The following MYB variants were observed in gnomAD, a reference collection of about 807,000 sequenced individuals.
MYB encodes MYB proto-oncogene, transcription factor.
Under a neutral mutation model 92.9 loss-of-function variants are expected in MYB, and 28 were observed. That is an observed-to-expected ratio of 0.30 (90% confidence interval 0.22 to 0.41). The LOEUF (loss-of-function observed/expected upper bound fraction) is 0.41. MYB is among the 10% of genes least tolerant of loss of function. MYB has a pLI of 1.00. For missense variants in MYB, 679 were observed against 929.3 expected (o/e 0.73, Z 3.50); for synonymous variants, 295 against 329.1 (o/e 0.90, Z 1.12).
Position 135,181,467 on chromosome 6 carries a change from C to A in MYB, c.-47C>A. The A allele has an allele frequency of 9.0e-7, 1 of 1,108,824 alleles. No homozygotes were observed. The highest frequency in any genetic ancestry group is 1.1e-6 in the Non-Finnish European group (1 of 908,778). 68.7% of individuals were successfully genotyped at this position (1,108,824 alleles called of 1,614,324 possible). On this transcript the variant is annotated 5_prime_UTR_variant, in exon 1 of 16. Coordinates refer to ENST00000341911, the MANE Select transcript of MYB (RefSeq NM_001130173.2). This position sits in a 1 kb window ranked among gnomAD's most constrained non-coding sequence, Gnocchi z 5.3. ...CGGCGGGCAGCGGGAGGCGGCAGCCCGGTGCGGTCCCCGCGGCTCTCGGCG... is the reference window on the plus strand; with the variant it reads ...CGGCGGGCAGCGGGAGGCGGCAGCCAGGTGCGGTCCCCGCGGCTCTCGGCG...
Position 135,181,417 on chromosome 6 carries a change from G to C in MYB, c.-97G>C. ...CCCCAGCGGTGCGGAGCGCCGCTGC[G>C]CAGCCGGGGAGGGACGCAGGCAGGC... On this transcript the variant is annotated 5_prime_UTR_variant, in exon 1 of 16. Transcript: ENST00000341911. This position sits in a 1 kb window ranked among gnomAD's most constrained non-coding sequence, Gnocchi z 5.3. 1.1e-6 allele frequency: 1 copy of C among 875,446 alleles called. No homozygotes were observed. Among genetic ancestry groups the C allele is most frequent in the Non-Finnish European group, 1.4e-6 (1 of 700,720 alleles). The allele number at this position is 875,446 out of a possible 1,614,324, so 54.2% of individuals were successfully genotyped here.
At chr6:135,205,980 C>T (rs1250814459) in intron 15 of MYB, among the ~76,000 whole-genome samples, 1 of 151,292 alleles carries the variant, frequency 6.6e-6, no homozygotes, top group Non-Finnish European at 1.5e-5. Flanking sequence ...CCGAGGTGGG[C>T]GGATCACGAG....
At chr6:135,212,908 A>T (rs576391481) in intron 15 of MYB, among the ~76,000 whole-genome samples, 42 of 152,320 alleles carry the variant, frequency 2.8e-4, no homozygotes, top group Non-Finnish European at 2.6e-4. Context: ...AAAAGTTGGC[A>T]TGGGGCTCCC....
At chr6:135,210,404 T>G (rs1023201410) in intron 15 of MYB, among the ~76,000 whole-genome samples, 1 of 152,196 alleles carries the variant, frequency 6.6e-6, no homozygotes, top group Non-Finnish European at 1.5e-5. Context: ...GGAGTTTAAG[T>G]TAAAGAAATT....
intron 1 of MYB, among the ~76,000 whole-genome samples, chr6:135,184,831 A>C (rs1430392617): frequency 1.3e-5 from 2 of 152,202 alleles, no homozygotes; most frequent in African/African-American, 4.8e-5. Context: ...AGTTTCTAAG[A>C]TAGTATTTTT....
intron 15 of MYB, among the ~76,000 whole-genome samples, chr6:135,206,220 A>T (rs1335369756): frequency 1.4e-5 from 2 of 141,860 alleles, no homozygotes; most frequent in African/African-American, 5.3e-5. Flanking sequence ...AAAAAAAAAA[A>T]AAAAAAATAA....
At chr6:135,192,632 A>T in intron 6 of MYB, 74 bp downstream of exon 6, 1 of 1,419,336 alleles carries the variant, frequency 7.0e-7, no homozygotes, top group Non-Finnish European at 9.9e-7. Flanking sequence ...CATACTTTGC[A>T]GTTGTATACT....
chr6:135,183,178 C>T (rs953334720), intron 1 of MYB, among the ~76,000 whole-genome samples: 2 of 151,624 alleles, frequency 1.3e-5, no homozygotes, highest in Non-Finnish European at 2.9e-5. Context: ...AGAGGGGAGG[C>T]GGCTGGGAGG....
intron 15 of MYB, among the ~76,000 whole-genome samples, chr6:135,216,877 T>C (rs1780520308): frequency 6.6e-6 from 1 of 152,328 alleles, no homozygotes; most frequent in South Asian, 2.1e-4. Flanking sequence ...AGTCCACCAC[T>C]TACCTACAGA....
chr6:135,208,774 C>G (rs1019172402), intron 15 of MYB, among the ~76,000 whole-genome samples: 11 of 152,172 alleles, frequency 7.2e-5, no homozygotes, highest in Non-Finnish European at 1.3e-4. Flanking sequence ...TATATATAAC[C>G]TAATACCATC....
chr6:135,196,848 C>A, intron 9 of MYB, 113 bp from the exon 10 acceptor site: 1 of 1,587,296 alleles, frequency 6.3e-7, no homozygotes, highest in South Asian at 1.1e-5. Flanking sequence ...GCTCAAGAAG[C>A]CAAACCAACG....
chr6:135,208,921 C>A (rs760796989), intron 15 of MYB, among the ~76,000 whole-genome samples: 1 of 152,182 alleles, frequency 6.6e-6, no homozygotes, highest in East Asian at 1.9e-4. Context: ...CTCTTTTACT[C>A]TCTAGTCCAG....
intron 8 of MYB, chr6:135,195,347 C>CGG: frequency 1.2e-5 from 2 of 165,122 alleles, no homozygotes; most frequent in Non-Finnish European, 1.3e-5. Context: ...AACTCTAACT[C>CGG]CTGAGTCCTC....
At chr6:135,199,518 A>G in intron 11 of MYB, 1 of 1,016,750 alleles carries the variant, frequency 9.8e-7, no homozygotes, top group Non-Finnish European at 1.2e-6. Flanking sequence ...TTTTGAATTT[A>G]TGTGTAGATA....
intron 14 of MYB, 194 bp from the exon 15 acceptor site, chr6:135,203,023 A>G: frequency 1.4e-6 from 1 of 703,548 alleles, no homozygotes; most frequent in East Asian, 2.7e-5. Context: ...GATGTTTGCC[A>G]CAATGGGATT....
intron 2 of MYB, among the ~76,000 whole-genome samples, chr6:135,187,545 A>G (rs1202853958): frequency 6.6e-6 from 1 of 152,174 alleles, no homozygotes; most frequent in Non-Finnish European, 1.5e-5. Context: ...TGCCCCATGT[A>G]ATCCCCAAAT....
At chr6:135,211,956 T>A (rs1292431828) in intron 15 of MYB, among the ~76,000 whole-genome samples, 1 of 152,170 alleles carries the variant, frequency 6.6e-6, no homozygotes, top group East Asian at 1.9e-4. Context: ...ACATTTCAGT[T>A]TAAGCTTATC....
chr6:135,189,078 A>G (rs754560680), intron 3 of MYB, among the ~76,000 whole-genome samples: 2 of 152,126 alleles, frequency 1.3e-5, no homozygotes, highest in Non-Finnish European at 2.9e-5. Context: ...CCCACCTCCT[A>G]GAATATTCTC....
chr6:135,192,665 T>C, intron 6 of MYB, 107 bp downstream of exon 6: 1 of 1,029,932 alleles, frequency 9.7e-7, no homozygotes, highest in Non-Finnish European at 1.5e-6. Flanking sequence ...TTCCTGAGCA[T>C]GATCATGGCC....
Sources: gnomAD v4.1 joint callset for allele counts (sites outside exome capture counted in the v4.1 genomes callset) on GRCh38, gnomAD v4.1.1 for gene constraint, Gnocchi (gnomAD v3.1) non-coding constraint, MANE v1.5 for transcripts, NCBI Gene and HGNC (gene_info 2026-07-23, HGNC 2026-07-21) for gene names.